The following ZKSCAN2 variants were observed in gnomAD, a reference collection of about 807,000 sequenced individuals.
The protein encoded by ZKSCAN2 is zinc finger protein with KRAB and SCAN domains 2.
In ZKSCAN2, 38 loss-of-function variants were observed where a neutral mutation model predicts 90.5. The observed-to-expected ratio is 0.42, with a 90% CI of 0.32 to 0.55. ZKSCAN2 has a LOEUF of 0.55. ZKSCAN2 is among the 20% of genes least tolerant of loss of function. The probability of loss-of-function intolerance (pLI) is 0.11; values close to 1 mark genes in which losing one functional copy is unlikely to be tolerated. For synonymous variants in ZKSCAN2, 429 were observed against 421.6 expected, an observed-to-expected ratio of 1.02 and a Z score of -0.22; for missense variants, 1,167 against 1,202.6, an observed-to-expected ratio of 0.97 and a Z score of 0.44.
At chr16:25,250,665 TGTG>T (rs770024519) in intron 4 of ZKSCAN2, among the ~76,000 whole-genome samples, 31 of 152,322 alleles carry the variant, frequency 2.0e-4, no homozygotes, top group Admixed American at 3.3e-4. Flanking sequence ...TTAACTCAAA[TGTG>T]GTAATTATTT....
chr16:25,253,058 G>C, intron 2 of ZKSCAN2, 21 bp from the exon 3 acceptor site: 1 of 1,588,626 alleles, frequency 6.3e-7, no homozygotes, highest in South Asian at 1.1e-5. Context: ...AGAAAGAAAC[G>C]ATTAGTAATC....
At chr16:25,246,640 G>T (rs760798874) in intron 5 of ZKSCAN2, 67 bp downstream of exon 5, 24 of 1,576,772 alleles carry the variant, frequency 1.5e-5, no homozygotes, top group Admixed American at 1.3e-4. Context: ...GCCACTTCTG[G>T]TCTACTCCTT....
chr16:25,252,167 T>A, intron 3 of ZKSCAN2, 132 bp from the exon 4 acceptor site: 1 of 988,772 alleles, frequency 1.0e-6, no homozygotes, highest in Non-Finnish European at 1.5e-6. Flanking sequence ...TTGCGCCAAA[T>A]GAAGCAGAAG....
rs1962804150 is a variant in ZKSCAN2 at position 25,238,732 on chromosome 16, G to A, written c.*1084C>T. The A allele has an allele frequency of 6.6e-6, 1 of 152,178 alleles. No homozygotes were observed. The highest frequency in any genetic ancestry group is 6.5e-5 in the Admixed American group (1 of 15,282). 9.4% of individuals were successfully genotyped at this position (152,178 alleles called of 1,614,324 possible). On this transcript the variant is annotated 3_prime_UTR_variant, in exon 7 of 7. Transcript: ENST00000328086. ...TGAGAGCGCTGGTCTAAGCTGAGGT[G>A]GCTATCTGATCGACAGCAGGCCAAA... is the stretch of plus-strand genomic sequence containing the variant.
At position 25,257,015 on chromosome 16, in the gene ZKSCAN2, G is replaced by C. The variant is rs1299056587; in HGVS notation, c.113C>G (p.Ser38Trp). 4 of 1,614,038 alleles carry C rather than the reference G, an allele frequency of 2.5e-6. No individual in the cohort carries two copies. Among genetic ancestry groups the C allele is most frequent in the Non-Finnish European group, 3.4e-6 (4 of 1,180,044 alleles). Residue 38 changes from serine (S) to tryptophan (W), a missense_variant, in exon 1 of 7, where the codon TCG (serine) becomes TGG (tryptophan). Physicochemically the swap from Ser to Trp is radical, Grantham distance 177. Transcript: ENST00000328086. ...EWASEPILEG[S>W]DSSETFRKCF... Reference sequence around the variant, plus strand: ...TTTGCGGAAGGTCTCAGAGCTATCCGATCCTTCCAGAATGGGCTCTGATGC... The same window carrying C: ...TTTGCGGAAGGTCTCAGAGCTATCCCATCCTTCCAGAATGGGCTCTGATGC...
In ZKSCAN2 at chr16:25,246,882, T is replaced by C. The variant is rs2141364334; in HGVS notation, c.1314A>G (p.Pro438=). ...PAARAPSTDK[P]KEMIPVPRLK... is the part of the protein sequence containing the mutation. The stretch of plus-strand genomic sequence containing the variant: ...GTCTGGGGACAGGTATCATCTCCTT[T>C]GGTTTATCAGTGGACGGAGCACGGG... Residue 438 remains proline, a synonymous_variant, in exon 5 of 7, where the codon CCA becomes CCG. Coordinates refer to ENST00000328086, the MANE Select transcript of ZKSCAN2 (RefSeq NM_001012981.5). The C allele has an allele frequency of 6.2e-7, 1 of 1,614,166 alleles. No individual in the cohort carries two copies. Among genetic ancestry groups the C allele is most frequent in the South Asian group, 1.1e-5 (1 of 91,070 alleles).
At chr16:25,245,529 G>T (rs1962919280) in intron 5 of ZKSCAN2, among the ~76,000 whole-genome samples, 1 of 152,154 alleles carries the variant, frequency 6.6e-6, no homozygotes, top group South Asian at 2.1e-4. Flanking sequence ...ACTTTGGGAG[G>T]CCGAGGTGGG....
chr16:25,257,152 C>A lies in ZKSCAN2; in HGVS notation c.-25G>T, dbSNP rs756787807. On this transcript the variant is annotated 5_prime_UTR_variant, in exon 1 of 7. Transcript: ENST00000328086. The stretch of plus-strand genomic sequence containing the variant: ...TGCTGCAGCCCAGGGGTCAACTTCA[C>A]GTCTAGCTCAAGGTGGGGACCCAAA... 4.3e-5 allele frequency: 67 copies of A among 1,558,868 alleles called. No individual in the cohort carries two copies. In the South Asian group the frequency reaches 7.2e-4, roughly 17 times the overall value.
chr16:25,246,871 A>G lies in ZKSCAN2; in HGVS notation c.1325T>C (p.Ile442Thr), dbSNP rs776542820. ...AATTCTCTTCAGTCTGGGGACAGGT[A>G]TCATCTCCTTTGGTTTATCAGTGGA... ...APSTDKPKEM[I>T]PVPRLKRIAI... The change falls in exon 5 of 7, where the codon ATA (isoleucine) becomes ACA (threonine). Residue 442 changes from isoleucine (I) to threonine (T), a missense_variant. Coordinates refer to ENST00000328086, the MANE Select transcript of ZKSCAN2 (RefSeq NM_001012981.5). The G allele has an allele frequency of 6.2e-6, 10 of 1,614,192 alleles. No homozygotes were observed. The highest frequency in any genetic ancestry group is 8.5e-6 in the Non-Finnish European group (10 of 1,180,046).
intron 4 of ZKSCAN2, among the ~76,000 whole-genome samples, chr16:25,248,277 T>TTTCTTTA (rs1962967197): frequency 3.1e-5 from 1 of 31,890 alleles, no homozygotes; most frequent in Non-Finnish European, 5.7e-5. Context: ...AAAGCTTCTA[T>TTTCTTTA]ACAGCAAAAA....
chr16:25,243,414 G>A (rs763144729), intron 6 of ZKSCAN2, among the ~76,000 whole-genome samples: 5 of 152,066 alleles, frequency 3.3e-5, no homozygotes, highest in Non-Finnish European at 5.9e-5. Context: ...TGCAACCTGC[G>A]CCTCCCAGGT....
At position 25,252,829 on chromosome 16, in the gene ZKSCAN2, C is replaced by A. The variant is rs191613206; in HGVS notation, c.678+117G>T. The stretch of plus-strand genomic sequence containing the variant: ...ACTCAGGAGGCTGAGGCAGGAGAAT[C>A]GCTTGAACCCAGGAGGCAGAGGTGG... On this transcript the variant is annotated intron_variant, in intron 3 of 6. Coordinates refer to ENST00000328086, the MANE Select transcript of ZKSCAN2 (RefSeq NM_001012981.5). 81 of 791,048 alleles carry A rather than the reference C, an allele frequency of 1.0e-4. 2 individuals are homozygous for A. In the African/African-American group the frequency reaches 1.1e-3, roughly 10 times the overall value. 49.0% of individuals were successfully genotyped at this position (791,048 alleles called of 1,614,324 possible).
chr16:25,251,509 A>G (rs1396314786), intron 4 of ZKSCAN2, among the ~76,000 whole-genome samples: 1 of 152,214 alleles, frequency 6.6e-6, no homozygotes, highest in Non-Finnish European at 1.5e-5. Flanking sequence ...AAGCAAATTG[A>G]GAATTTGCCA....
Position 25,239,873 on chromosome 16 carries a change from C to A in ZKSCAN2, c.2847G>T (p.Leu949=). ...REKPLPHPPS[L]YCPENPHKGK... is the part of the protein sequence containing the mutation. ...CCTTATGTGGGTTCTCAGGGCAATA[C>A]AGAGATGGAGGGTGTGGCAGAGGCT... Residue 949 remains leucine (L), a synonymous_variant, in exon 7 of 7, where the codon CTG becomes CTT. Transcript: ENST00000328086. 1 of 1,613,250 alleles carries A rather than the reference C, an allele frequency of 6.2e-7. No homozygotes were observed. The highest frequency in any genetic ancestry group is 8.5e-7 in the Non-Finnish European group (1 of 1,179,730).
At position 25,244,341 on chromosome 16, in the gene ZKSCAN2, T is replaced by C. The variant is rs982056111; in HGVS notation, c.1490-65A>G. 4.0e-6 allele frequency: 6 copies of C among 1,512,892 alleles called. No individual in the cohort carries two copies. In the East Asian group the frequency reaches 6.8e-5, roughly 17 times the overall value. The allele number at this position is 1,512,892 out of a possible 1,614,324, so 93.7% of individuals were successfully genotyped here. On this transcript the variant is annotated intron_variant, in intron 5 of 6. Coordinates refer to ENST00000328086, the MANE Select transcript of ZKSCAN2 (RefSeq NM_001012981.5). ...AGGAGTCTCTAGCCTCTATACTATA[T>C]ACATTAAGAAATGTAGAGGTAAAAA...
chr16:25,248,704 T>C (rs1962974771), intron 4 of ZKSCAN2, among the ~76,000 whole-genome samples: 1 of 152,154 alleles, frequency 6.6e-6, no homozygotes, highest in African/African-American at 2.4e-5. Flanking sequence ...GGCAGAGCTG[T>C]GAATTGGGAA....
intron 4 of ZKSCAN2, among the ~76,000 whole-genome samples, chr16:25,251,530 C>T (rs946115220): frequency 1.3e-5 from 2 of 152,102 alleles, no homozygotes; most frequent in African/African-American, 4.8e-5. Context: ...GCTTATGATA[C>T]AAAAGAGATG....
intron 5 of ZKSCAN2, among the ~76,000 whole-genome samples, chr16:25,245,637 G>A (rs7201497): frequency 0.13 from 19,469 of 151,852 alleles, 1,367 homozygotes; most frequent in Non-Finnish European, 0.16. Flanking sequence ...GTGGTGGTGG[G>A]TGCCTGTAAT....
chr16:25,245,532 G>A (rs1962919434), intron 5 of ZKSCAN2, among the ~76,000 whole-genome samples: 1 of 152,090 alleles, frequency 6.6e-6, no homozygotes, highest in Admixed American at 6.6e-5. Context: ...TTGGGAGGCC[G>A]AGGTGGGTGG....
Sources: allele counts gnomAD v4.1 joint callset (sites outside exome capture counted in the v4.1 genomes callset), GRCh38; gene constraint gnomAD v4.1.1; transcripts MANE v1.5; gene names NCBI Gene and HGNC (gene_info 2026-07-23, HGNC 2026-07-21).